Variants in SMARCC1 observed in about 807,000 individuals in gnomAD.
SMARCC1 encodes the protein SWI/SNF complex subunit SMARCC1.
SMARCC1 carries 43 observed loss-of-function variants against 147.4 expected under a neutral mutation model. That is an observed-to-expected ratio of 0.29 (90% CI 0.23 to 0.38). SMARCC1 has a LOEUF of 0.38. Ranked by LOEUF, SMARCC1 falls within the 10% of genes least tolerant of loss-of-function variation. SMARCC1 has a pLI of 1.00. For missense variants in SMARCC1, 1,119 were observed against 1,381.1 expected (o/e 0.81, Z 3.01); for synonymous variants, 495 against 484.4 (o/e 1.02, Z -0.29).
At chr3:47,770,792 A>G (rs1463635178) in intron 2 of SMARCC1, among the ~76,000 whole-genome samples, 1 of 152,222 alleles carries the variant, frequency 6.6e-6, no homozygotes, top group Non-Finnish European at 1.5e-5. Context: ...TCAAAATGAG[A>G]AAAGTAACCA....
rs138395557 is a variant in SMARCC1 at position 47,729,069 on chromosome 3, T to C, written c.602A>G (p.Lys201Arg). Residue 201 changes from lysine to arginine, a missense_variant, in exon 6 of 28, where the codon AAA (lysine) becomes AGA (arginine). Transcript: ENST00000254480. ...HQGTFTDEKS[K>R]ASHHIYPYSS... ...ATATGGGTAAATGTGGTGGGAAGCTTTTGACTTCTCATCCGTAAATGTTCC... is the reference window on the plus strand; with the variant it reads ...ATATGGGTAAATGTGGTGGGAAGCTCTTGACTTCTCATCCGTAAATGTTCC... 5.0e-5 allele frequency: 81 copies of C among 1,612,386 alleles called. 1 individual carries two copies. In the African/African-American group the frequency reaches 1.1e-3, roughly 21 times the overall value.
chr3:47,672,145 T>C (rs1380291367), intron 18 of SMARCC1, among the ~76,000 whole-genome samples: 2 of 152,054 alleles, frequency 1.3e-5, no homozygotes, highest in Non-Finnish European at 2.9e-5. Context: ...TCCTACAGTA[T>C]GGCTTTGTGA....
chr3:47,613,956 C>T (rs2032602214), intron 25 of SMARCC1, among the ~76,000 whole-genome samples: 1 of 147,322 alleles, frequency 6.8e-6, no homozygotes. Flanking sequence ...AGCTCTTCTC[C>T]CTTCTATTTG....
chr3:47,728,788 A>G (rs1228589566), intron 6 of SMARCC1, among the ~76,000 whole-genome samples: 1 of 152,060 alleles, frequency 6.6e-6, no homozygotes, highest in East Asian at 1.9e-4. Context: ...GTGGGCGCCT[A>G]TATTCCCAGC....
chr3:47,590,642 C>G lies in SMARCC1; in HGVS notation c.3220+19G>C, dbSNP rs767382222. On this transcript the variant is annotated intron_variant, in intron 27 of 27. Coordinates refer to ENST00000254480, the MANE Select transcript of SMARCC1 (RefSeq NM_003074.4). Reference sequence around the variant, plus strand: ...AGAACGGACCCTGAGATAATGCATCCCCCCTCCATGTTACTTACACATGCC... The same window carrying G: ...AGAACGGACCCTGAGATAATGCATCGCCCCTCCATGTTACTTACACATGCC... The G allele has an allele frequency of 2.7e-6, 4 of 1,491,610 alleles. No individual in the cohort carries two copies. The South Asian group carries it at 4.3e-5, about 16-fold the overall frequency. 92.4% of individuals were successfully genotyped at this position (1,491,610 alleles called of 1,614,324 possible).
rs188390582 is a variant in SMARCC1 at position 47,641,262 on chromosome 3, G to C, written c.2321-2482C>G. ...AGCACTTTGGGAGGCCAAGATGGGT[G>C]AATCACTTGAGTCAAGGAGTTTGAG... is the stretch of plus-strand genomic sequence containing the variant. On this transcript the variant is annotated intron_variant, in intron 21 of 27. Coordinates refer to ENST00000254480, the MANE Select transcript of SMARCC1 (RefSeq NM_003074.4). Among the ~76,000 whole-genome samples, 9 of 152,328 alleles carry C rather than the reference G, an allele frequency of 5.9e-5. No individual in the cohort carries two copies. The East Asian group carries it at 1.3e-3, about 23-fold the overall frequency.
At chr3:47,735,380 G>A (rs1317034725) in intron 5 of SMARCC1, among the ~76,000 whole-genome samples, 3 of 152,120 alleles carry the variant, frequency 2.0e-5, no homozygotes, top group African/African-American at 7.2e-5. Context: ...GCCAGGTATG[G>A]TGGCTCACAC....
At chr3:47,700,692 T>C (rs1293569247) in intron 11 of SMARCC1, among the ~76,000 whole-genome samples, 2 of 152,116 alleles carry the variant, frequency 1.3e-5, no homozygotes, top group African/African-American at 4.8e-5. Context: ...GCCTGGCTAA[T>C]TTCTATATTT....
At chr3:47,664,626 A>C (rs536715037) in intron 19 of SMARCC1, among the ~76,000 whole-genome samples, 57 of 152,334 alleles carry the variant, frequency 3.7e-4, no homozygotes, top group African/African-American at 1.3e-3. Flanking sequence ...TAATTGGATA[A>C]AAAGAATTTA....
At position 47,706,627 on chromosome 3, in the gene SMARCC1, A is replaced by C. The variant is rs1019602861; in HGVS notation, c.919-97T>G. The stretch of plus-strand genomic sequence containing the variant: ...GTGAATCTCCACACACAAAGACAAC[A>C]GCATATCCTTAGTTCAGAGCAAATA... On this transcript the variant is annotated intron_variant, in intron 9 of 27. Transcript: ENST00000254480. 17 of 1,122,602 alleles carry C rather than the reference A, an allele frequency of 1.5e-5. No individual in the cohort carries two copies. The African/African-American group carries it at 2.1e-4, about 14-fold the overall frequency. The allele number at this position is 1,122,602 out of a possible 1,614,324, so 69.5% of individuals were successfully genotyped here. A position where few individuals can be genotyped will look rare whatever the true frequency, so the allele number is the denominator to read the frequency against.
At chr3:47,780,634 A>G (rs1006085707) in intron 1 of SMARCC1, among the ~76,000 whole-genome samples, 1 of 152,210 alleles carries the variant, frequency 6.6e-6, no homozygotes, top group Admixed American at 6.6e-5. Context: ...GGGTAAGGCA[A>G]TAAGTATCAG....
rs1317643740 is a variant in SMARCC1 at position 47,662,383 on chromosome 3, T to C, written c.2109A>G (p.Ala703=). The C allele has an allele frequency of 6.2e-7, 1 of 1,613,974 alleles. No homozygotes were observed. Among genetic ancestry groups the C allele is most frequent in the Non-Finnish European group, 8.5e-7 (1 of 1,180,014 alleles). The change falls in exon 20 of 28, where the codon GCA becomes GCG. Residue 703 remains alanine, a synonymous_variant. Coordinates refer to ENST00000254480, the MANE Select transcript of SMARCC1 (RefSeq NM_003074.4). ...NPVMSTVAFL[A]SVVDPRVASA... ...ATGCCACGCGAGGGTCCACCACAGA[T>C]GCCAAAAAAGCAACAGTACTCATAA...
rs200642877 is a variant in SMARCC1, at chr3:47,710,782, A to G, written c.819T>C (p.Thr273=). 7 of 1,612,102 alleles carry G rather than the reference A, an allele frequency of 4.3e-6. No individual in the cohort carries two copies. Among genetic ancestry groups the G allele is most frequent in the East Asian group, 2.2e-5 (1 of 44,840 alleles). The change falls in exon 9 of 28, where the codon ACT becomes ACC. Residue 273 remains threonine (T), a synonymous_variant. Coordinates refer to ENST00000254480, the MANE Select transcript of SMARCC1 (RefSeq NM_003074.4). ...WKVHVKWILD[T]DIFNEWMNEE... ...CATTCATCCATTCATTGAAAATATC[A>G]GTGTCCAAAATCCATTTCACATGAA...
intron 5 of SMARCC1, among the ~76,000 whole-genome samples, chr3:47,735,703 G>A (rs561362359): frequency 1.6e-4 from 24 of 152,084 alleles, no homozygotes; most frequent in Admixed American, 1.2e-3. Context: ...GCAATGAACC[G>A]GGATTGCACC....
chr3:47,638,672 C>A (rs375727357), intron 22 of SMARCC1, 53 bp downstream of exon 22: 2 of 1,351,986 alleles, frequency 1.5e-6, no homozygotes, highest in African/African-American at 2.9e-5. Context: ...AAAAACAAAC[C>A]ATTATGGTCT....
Position 47,701,314 on chromosome 3 carries a change from C to T in SMARCC1, c.1129G>A (p.Val377Ile), listed in dbSNP as rs1310500078. The stretch of plus-strand genomic sequence containing the variant: ...AGTACTACTTCTTCTATATTGGGTA[C>T]AGGTGTTGGGTCTTCCATATCCTTG... The part of the protein sequence containing the change: ...LTKDMEDPTP[V>I]PNIEEVVLPK... Residue 377 changes from valine to isoleucine, a missense_variant, in exon 11 of 28, where the codon GTA becomes ATA. By Grantham distance (29) the Val-to-Ile change is conservative. Transcript: ENST00000254480. 1 of 1,612,982 alleles carries T rather than the reference C, an allele frequency of 6.2e-7. No homozygotes were observed. Among genetic ancestry groups the T allele is most frequent in the South Asian group, 1.1e-5 (1 of 91,050 alleles).
At chr3:47,596,883 T>A (rs960749413) in intron 26 of SMARCC1, among the ~76,000 whole-genome samples, 7 of 151,906 alleles carry the variant, frequency 4.6e-5, no homozygotes, top group Non-Finnish European at 8.8e-5. Flanking sequence ...TTTTTTTTTT[T>A]ATTTTATTTT....
chr3:47,588,713 C>CA (rs59908971), intron 27 of SMARCC1, among the ~76,000 whole-genome samples: 1 of 120,450 alleles, frequency 8.3e-6, no homozygotes, highest in Non-Finnish European at 1.7e-5. Context: ...GCCCCCCCCC[C>CA]GCCCCCACAG....
chr3:47,590,767 T>C lies in SMARCC1; in HGVS notation c.3114A>G (p.Ala1038=). The C allele has an allele frequency of 6.2e-7, 1 of 1,603,964 alleles. No individual in the cohort carries two copies. Among genetic ancestry groups the C allele is most frequent in the East Asian group, 2.3e-5 (1 of 44,024 alleles). Residue 1038 remains alanine (A), a synonymous_variant, in exon 27 of 28, where the codon GCA becomes GCG. Coordinates refer to ENST00000254480, the MANE Select transcript of SMARCC1 (RefSeq NM_003074.4). ...HMPGRMIPTV[A]ANIHPSGSGP... ...CACTCCCAGAGGGGTGGATGTTGGC[T>C]GCAACAGTGGGAATCATGCGGCCTG...
Sources: gnomAD v4.1 joint callset for allele counts (sites outside exome capture counted in the v4.1 genomes callset) on GRCh38, gnomAD v4.1.1 for gene constraint, MANE v1.5 for transcripts, NCBI Gene and HGNC (gene_info 2026-07-23, HGNC 2026-07-21) for gene names.